Variants in PHTF2 observed in about 807,000 individuals in gnomAD.
The protein encoded by PHTF2 is putative homeodomain transcription factor 2.
In PHTF2, 60 loss-of-function variants were observed where a neutral mutation model predicts 101.2. The ratio of observed to expected loss-of-function variants is 0.59; its 90% CI spans 0.48 to 0.73. PHTF2 has a LOEUF of 0.73. Among genes scored for constraint, PHTF2 ranks in the 30% least tolerant of loss-of-function variants. The pLI is 0.00. For synonymous variants in PHTF2, 311 were observed against 307.3 expected, an observed-to-expected ratio of 1.01 and a Z score of -0.13; for missense variants, 747 against 908.7, an observed-to-expected ratio of 0.82 and a Z score of 2.29.
At chr7:77,859,397 A>G (rs1166849633) in intron 3 of PHTF2, among the ~76,000 whole-genome samples, 1 of 152,078 alleles carries the variant, frequency 6.6e-6, no homozygotes, top group Non-Finnish European at 1.5e-5. Flanking sequence ...ATCGTAGACC[A>G]CCAGTGAAGA....
chr7:77,953,748 C>CT (rs1806747187), intron 18 of PHTF2, 21 bp from the exon 18 acceptor site: 17 of 1,598,710 alleles, frequency 1.1e-5, no homozygotes, highest in South Asian at 4.5e-5. Flanking sequence ...CTGGGACTGA[C>CT]TTTTTTTTCT....
exon 10 of PHTF2, chr7:77,920,297 T>C: frequency 6.3e-7 from 1 of 1,587,208 alleles, no homozygotes; most frequent in Non-Finnish European, 8.6e-7. Flanking sequence ...AAGCAAAGAA[T>C]TCAATTGATA....
chr7:77,859,788 T>A (rs1797480978), intron 3 of PHTF2, among the ~76,000 whole-genome samples: 1 of 152,152 alleles, frequency 6.6e-6, no homozygotes, highest in South Asian at 2.1e-4. Flanking sequence ...TTGCTCAGGC[T>A]GGCCTTGAAC....
chr7:77,842,116 G>T (rs1795933089), intron 2 of PHTF2, among the ~76,000 whole-genome samples: 1 of 152,082 alleles, frequency 6.6e-6, no homozygotes, highest in Admixed American at 6.6e-5. Context: ...GACAGCTTTG[G>T]ATACATGCAA....
chr7:77,872,094 C>A (rs1037774032), intron 3 of PHTF2, among the ~76,000 whole-genome samples: 1 of 152,212 alleles, frequency 6.6e-6, no homozygotes, highest in African/African-American at 2.4e-5. Context: ...CTGCTGCTGG[C>A]AAATTGGGCA....
In PHTF2 at chr7:77,867,726, T is replaced by C. The variant is rs181296383; in HGVS notation, c.147+12892T>C. ...TAGGAAAAAATTATCTAATAGTAGA[T>C]AGCAGTTGACAAGAGTATGTGAGAG... is the stretch of plus-strand genomic sequence containing the variant. On this transcript the variant is annotated intron_variant, in intron 3 of 19. Coordinates refer to ENST00000416283, the Ensembl canonical transcript of PHTF2. 2.0e-5 allele frequency among the ~76,000 whole-genome samples: 3 copies of C among 152,336 alleles called. No individual in the cohort carries two copies. In the East Asian group the frequency reaches 5.8e-4, roughly 29 times the overall value.
intron 1 of PHTF2, among the ~76,000 whole-genome samples, chr7:77,811,575 T>G (rs1405554930): frequency 6.6e-6 from 1 of 152,080 alleles, no homozygotes; most frequent in African/African-American, 2.4e-5. Context: ...AAGAAAAGCT[T>G]CTACCTCTTT....
intron 5 of PHTF2, among the ~76,000 whole-genome samples, chr7:77,897,405 A>G (rs1800971022): frequency 6.6e-6 from 1 of 150,656 alleles, no homozygotes; most frequent in Non-Finnish European, 1.5e-5. Context: ...AACATACTAT[A>G]AGAGTTTAAA....
intron 18 of PHTF2, among the ~76,000 whole-genome samples, chr7:77,952,921 C>T (rs1221333702): frequency 6.6e-6 from 1 of 152,126 alleles, no homozygotes; most frequent in Non-Finnish European, 1.5e-5. Context: ...TAGTACGGCC[C>T]TATGTGAGAT....
At chr7:77,913,386 TGA>T (rs1802591732) in intron 9 of PHTF2, among the ~76,000 whole-genome samples, 1 of 137,588 alleles carries the variant, frequency 7.3e-6, no homozygotes. Flanking sequence ...AGACTCTGTC[TGA>T]AAAAAAAAAA....
intron 5 of PHTF2, 72 bp downstream of exon 4, chr7:77,894,065 T>C: frequency 8.9e-7 from 1 of 1,123,876 alleles, no homozygotes; most frequent in Non-Finnish European, 1.4e-6. Context: ...GAGATCTGCT[T>C]TTTGGTGCTA....
intron 6 of PHTF2, among the ~76,000 whole-genome samples, chr7:77,900,982 T>TG (rs1801331476): frequency 6.6e-6 from 1 of 152,242 alleles, no homozygotes; most frequent in Admixed American, 6.5e-5. Context: ...CACCTGCTTC[T>TG]GGGGTAGGAA....
intron 1 of PHTF2, among the ~76,000 whole-genome samples, chr7:77,829,849 G>A (rs1479524363): frequency 1.3e-5 from 2 of 152,186 alleles, no homozygotes; most frequent in Non-Finnish European, 2.9e-5. Flanking sequence ...AAATCTTAAT[G>A]TATTGGTGAC....
intron 3 of PHTF2, among the ~76,000 whole-genome samples, chr7:77,880,237 C>T (rs917579341): frequency 6.6e-6 from 1 of 152,008 alleles, no homozygotes; most frequent in South Asian, 2.1e-4. Flanking sequence ...TTAAGCCATT[C>T]CCCTGTTTAC....
intron 3 of PHTF2, among the ~76,000 whole-genome samples, chr7:77,868,405 G>C (rs1027792604): frequency 1.9e-4 from 25 of 132,830 alleles, no homozygotes; most frequent in African/African-American, 7.0e-4. Context: ...CCGGCTTCAA[G>C]CAATCCTCCT....
chr7:77,932,619 AGAGTGTGT>A (rs1266654953), intron 12 of PHTF2, among the ~76,000 whole-genome samples: 11 of 111,602 alleles, frequency 9.9e-5, no homozygotes, highest in African/African-American at 4.5e-4. Context: ...AGAGAGAGAG[AGAGTGTGT>A]GTGTGTGTGT....
chr7:77,915,063 C>T (rs1016248434), intron 9 of PHTF2, among the ~76,000 whole-genome samples: 3 of 150,032 alleles, frequency 2.0e-5, no homozygotes, highest in Admixed American at 6.7e-5. Flanking sequence ...AGGCACGCAC[C>T]ACCATGCCCA....
At chr7:77,873,163 G>A (rs148871809) in intron 3 of PHTF2, among the ~76,000 whole-genome samples, 2,045 of 152,106 alleles carry the variant, frequency 0.013, 50 homozygotes, top group African/African-American at 0.046. Context: ...TCCTGACCTC[G>A]TGATCCCCCT....
chr7:77,875,548 AT>A, intron 3 of PHTF2, among the ~76,000 whole-genome samples: 1 of 150,604 alleles, frequency 6.6e-6, no homozygotes, highest in African/African-American at 2.4e-5. Context: ...TTATTTATTT[AT>A]TTATTTATTA....
Sources: gnomAD v4.1 joint callset for allele counts (sites outside exome capture counted in the v4.1 genomes callset) on GRCh38, gnomAD v4.1.1 for gene constraint, MANE v1.5 for transcripts, NCBI Gene and HGNC (gene_info 2026-07-23, HGNC 2026-07-21) for gene names.